The following PCDHA6 variants were observed in gnomAD, a reference collection of about 807,000 sequenced individuals.
PCDHA6 encodes protocadherin alpha-6.
In PCDHA6, 55 loss-of-function variants were observed where a neutral mutation model predicts 60.3. That is an observed-to-expected ratio of 0.91 (90% CI 0.73 to 1.14). The LOEUF (loss-of-function observed/expected upper bound fraction) is 1.14. PCDHA6 is among the 50% of genes most tolerant of loss of function. The pLI, the probability that PCDHA6 is intolerant of heterozygous loss-of-function variation, is 0.00. For missense variants in PCDHA6, 1,327 were observed against 1,256.5 expected, an observed-to-expected ratio of 1.06 and a Z score of -0.85; for synonymous variants, 652 against 557.9, an observed-to-expected ratio of 1.17 and a Z score of -2.38.
At position 140,869,552 on chromosome 5, in the gene PCDHA6, C is replaced by T. The variant is rs537127263; in HGVS notation, c.2394+39067C>T. ...ATTGCGGAATCTAAGCAATCGGACTCGCGTTTTCCACTAGAGGGAGCTTCT... is the reference window on the plus strand; with the variant it reads ...ATTGCGGAATCTAAGCAATCGGACTTGCGTTTTCCACTAGAGGGAGCTTCT... On this transcript the variant is annotated intron_variant, in intron 1 of 3. Transcript: ENST00000529310. 4 of 1,614,140 alleles carry T rather than the reference C, an allele frequency of 2.5e-6. No homozygotes were observed. In the East Asian group the frequency reaches 6.7e-5, roughly 27 times the overall value.
intron 1 of PCDHA6, among the ~76,000 whole-genome samples, chr5:140,832,218 GGA>G (rs1345967956): frequency 6.6e-6 from 1 of 152,174 alleles, no homozygotes; most frequent in Non-Finnish European, 1.5e-5. Context: ...GTGATTTCCT[GGA>G]GTTGGTTTTG....
chr5:140,889,080 A>G (rs2062092798), intron 1 of PCDHA6, among the ~76,000 whole-genome samples: 1 of 151,888 alleles, frequency 6.6e-6, no homozygotes, highest in Non-Finnish European at 1.5e-5. Flanking sequence ...ATTTTGTTAA[A>G]TTTTCAAAAC....
At chr5:140,884,871 A>T (rs1193714340) in intron 1 of PCDHA6, among the ~76,000 whole-genome samples, 1 of 152,210 alleles carries the variant, frequency 6.6e-6, no homozygotes, top group Non-Finnish European at 1.5e-5. Context: ...CCATAATGAA[A>T]TGTGCAAAAC....
chr5:140,856,851 C>A, intron 1 of PCDHA6: 1 of 1,593,160 alleles, frequency 6.3e-7, no homozygotes. Flanking sequence ...GCTTCTGATT[C>A]GGATGAAGGA....
chr5:140,833,155 A>G (rs2150206613), intron 1 of PCDHA6, among the ~76,000 whole-genome samples: 1 of 152,342 alleles, frequency 6.6e-6, no homozygotes, highest in South Asian at 2.1e-4. Flanking sequence ...CAATACGAAT[A>G]AAAAGTATTA....
intron 1 of PCDHA6, chr5:140,857,657 C>T (rs1207727837): frequency 1.9e-6 from 3 of 1,596,740 alleles, no homozygotes; most frequent in Non-Finnish European, 1.7e-6. Context: ...GGTGAGCGCG[C>T]GCGATGGGGG....
intron 1 of PCDHA6, chr5:140,852,581 TA>T (rs1417948618): frequency 2.2e-5 from 18 of 832,290 alleles, no homozygotes; most frequent in South Asian, 5.3e-5. Flanking sequence ...AAGGCTTTTT[TA>T]TTTTTTTTTT....
At chr5:140,960,346 T>A (rs782732587) in intron 1 of PCDHA6, among the ~76,000 whole-genome samples, 21 of 152,174 alleles carry the variant, frequency 1.4e-4, no homozygotes, top group Admixed American at 2.6e-4. Context: ...AGGTGAGATA[T>A]GTACTGAAAT....
At chr5:140,948,868 G>A (rs191976148) in intron 1 of PCDHA6, among the ~76,000 whole-genome samples, 20 of 151,330 alleles carry the variant, frequency 1.3e-4, no homozygotes, top group African/African-American at 4.8e-4. Context: ...ATTACTTCGG[G>A]TTTACTTTGC....
intron 1 of PCDHA6, among the ~76,000 whole-genome samples, chr5:140,917,311 G>T (rs2078013594): frequency 6.7e-6 from 1 of 148,748 alleles, no homozygotes; most frequent in Non-Finnish European, 1.5e-5. Flanking sequence ...GTTACAATTT[G>T]GTGTTCATGT....
chr5:140,928,126 C>G (rs782461261), intron 1 of PCDHA6: 1 of 1,614,058 alleles, frequency 6.2e-7, no homozygotes, highest in African/African-American at 1.3e-5. Context: ...CAGTGAATAC[C>G]AAGTCCTGAT....
At position 140,849,878 on chromosome 5, in the gene PCDHA6, G is replaced by A. The variant is rs2150455933; in HGVS notation, c.2394+19393G>A. On this transcript the variant is annotated intron_variant, in intron 1 of 3. Transcript: ENST00000529310. ...CAGCGTTCGCGCAGTCCGAGTACACGGTGTTCGTGAAGGAGAACAACCCGC... is the reference window on the plus strand; with the variant it reads ...CAGCGTTCGCGCAGTCCGAGTACACAGTGTTCGTGAAGGAGAACAACCCGC... The A allele has an allele frequency of 1.1e-5, 17 of 1,598,602 alleles. 2 individuals are homozygous for A. The Middle Eastern group carries it at 5.1e-4, about 48-fold the overall frequency.
At chr5:140,952,242 C>T (rs1469286013) in intron 1 of PCDHA6, among the ~76,000 whole-genome samples, 2 of 151,750 alleles carry the variant, frequency 1.3e-5, no homozygotes, top group African/African-American at 4.8e-5. Context: ...CTGCTTAGAA[C>T]TGCTGGTGGA....
At chr5:140,854,631 G>T (rs373536386) in intron 1 of PCDHA6, 1 of 149,874 alleles carries the variant, frequency 6.7e-6, no homozygotes, top group African/African-American at 2.4e-5. Context: ...CTTTAGAAAA[G>T]TCAAAACATC....
chr5:140,961,639 G>A (rs2095626284), intron 1 of PCDHA6, among the ~76,000 whole-genome samples: 1 of 152,144 alleles, frequency 6.6e-6, no homozygotes, highest in East Asian at 1.9e-4. Flanking sequence ...ACAATCTTAA[G>A]TCTATGTGGT....
rs1776053531 is a variant in PCDHA6 at position 140,839,144 on chromosome 5, A to G, written c.2394+8659A>G. ...ATATGTCATTCACATAAGCAGACCAAGTTTGCTGCTCTTGTTGAAAGATAT... is the reference window on the plus strand; with the variant it reads ...ATATGTCATTCACATAAGCAGACCAGGTTTGCTGCTCTTGTTGAAAGATAT... On this transcript the variant is annotated intron_variant, in intron 1 of 3. Transcript: ENST00000529310. Among the ~76,000 whole-genome samples, 3 of 136,814 alleles carry G rather than the reference A, an allele frequency of 2.2e-5. No individual in the cohort carries two copies. The South Asian group carries it at 7.1e-4, about 33-fold the overall frequency. The allele number at this position is 136,814 out of a possible 152,430, so 89.8% of individuals were successfully genotyped here.
chr5:140,861,316 C>T (rs1554154495), intron 1 of PCDHA6: 4 of 215,598 alleles, frequency 1.9e-5, no homozygotes, highest in African/African-American at 9.3e-5. Context: ...AGGACCAGTT[C>T]CACTACACCA....
In PCDHA6 at chr5:140,869,649, A is replaced by G. The variant is rs1446407712; in HGVS notation, c.2394+39164A>G. ...AAAATGAGTATTTTTCTTTAGATTC[A>G]CCAACAAATGGTAAGCAGATTAAAA... On this transcript the variant is annotated intron_variant, in intron 1 of 3. Transcript: ENST00000529310. 4.3e-6 allele frequency: 7 copies of G among 1,613,476 alleles called. No individual in the cohort carries two copies. In the African/African-American group the frequency reaches 6.7e-5, roughly 15 times the overall value.
rs1298804039 is a variant in PCDHA6, at chr5:140,829,789, G to A, written c.1698G>A (p.Leu566=). 6.2e-7 allele frequency: 1 copy of A among 1,613,836 alleles called. No homozygotes were observed. Among genetic ancestry groups the A allele is most frequent in the African/African-American group, 1.3e-5 (1 of 75,056 alleles). Residue 566 remains leucine (L), a synonymous_variant, in exon 1 of 4, where the codon CTG becomes CTA. Transcript: ENST00000529310. ...AGAACGACAACGCGCCGGCGCTGCTGGCGCCTCGGGTGGGTGGTACTGGTG... is the reference window on the plus strand; with the variant it reads ...AGAACGACAACGCGCCGGCGCTGCTAGCGCCTCGGGTGGGTGGTACTGGTG... The part of the protein sequence containing the change: ...LDENDNAPAL[L]APRVGGTGGA...
Sources: allele counts gnomAD v4.1 joint callset (sites outside exome capture counted in the v4.1 genomes callset), GRCh38; gene constraint gnomAD v4.1.1; transcripts MANE v1.5; gene names NCBI Gene and HGNC (gene_info 2026-07-23, HGNC 2026-07-21).